Variants in OTOGL observed in about 807,000 individuals in gnomAD.
OTOGL encodes the protein otogelin like.
OTOGL carries 285 observed loss-of-function variants against 318.5 expected under a neutral mutation model. The observed-to-expected ratio is 0.89, with a 90% CI of 0.81 to 0.99. The LOEUF (loss-of-function observed/expected upper bound fraction) is 0.99. Ranked by LOEUF, OTOGL falls within the 50% of genes least tolerant of loss-of-function variation. The pLI is 0.00. For missense variants in OTOGL, 2,899 were observed against 2,845.6 expected (o/e 1.02, Z -0.43); for synonymous variants, 987 against 936.5 (o/e 1.05, Z -0.99).
Position 80,358,908 on chromosome 12 carries a change from C to T in OTOGL, c.6267+8C>T. 1 of 1,475,402 alleles carries T rather than the reference C, an allele frequency of 6.8e-7. No individual in the cohort carries two copies. Among genetic ancestry groups the T allele is most frequent in the Non-Finnish European group, 9.1e-7 (1 of 1,097,490 alleles). 91.4% of individuals were successfully genotyped at this position (1,475,402 alleles called of 1,614,324 possible). A position where few individuals can be genotyped will look rare whatever the true frequency, so the allele number is the denominator to read the frequency against. On this transcript the variant is annotated splice_region_variant and intron_variant, in intron 52 of 58. Coordinates refer to ENST00000547103, the MANE Select transcript of OTOGL (RefSeq NM_001378609.3). ...ATGCCAACTTGTGAAGTGGTAAGAA[C>T]ACATATTTTGATTGACTTGTCATAT...
At chr12:80,243,008 T>C (rs1880514545) in intron 11 of OTOGL, among the ~76,000 whole-genome samples, 2 of 151,650 alleles carry the variant, frequency 1.3e-5, no homozygotes, top group Admixed American at 6.6e-5. Context: ...CCAAAGCCAA[T>C]TGATGTGAAA....
intron 1 of OTOGL, among the ~76,000 whole-genome samples, chr12:80,130,430 G>A (rs10862065): frequency 0.6 from 91,750 of 151,656 alleles, 28,293 homozygotes; most frequent in African/African-American, 0.73. Context: ...AAGAGTTGGA[G>A]GTTGGAATGG....
chr12:80,125,281 A>T (rs1461868703), intron 1 of OTOGL, among the ~76,000 whole-genome samples: 3 of 152,214 alleles, frequency 2.0e-5, no homozygotes, highest in African/African-American at 4.8e-5. Context: ...CCTTTTCTGC[A>T]TCTATTGAGA....
chr12:80,370,393 C>T lies in OTOGL; in HGVS notation c.6616-177C>T, dbSNP rs139689087. Among the ~76,000 whole-genome samples the T allele has an allele frequency of 7.7e-3, 1,098 of 142,032 alleles. 7 individuals are homozygous for T. The highest frequency in any genetic ancestry group is 0.012 in the Non-Finnish European group (794 of 64,032). 93.2% of individuals were successfully genotyped at this position (142,032 alleles called of 152,430 possible). A position where few individuals can be genotyped will look rare whatever the true frequency, so the allele number is the denominator to read the frequency against. The stretch of plus-strand genomic sequence containing the variant: ...ATTTTAGATAAGTATACACTATACA[C>T]GTGTATGTATTTTTAATCATTTTAG... On this transcript the variant is annotated intron_variant, in intron 55 of 58. Coordinates refer to ENST00000547103, the MANE Select transcript of OTOGL (RefSeq NM_001378609.3).
chr12:80,152,699 A>AT (rs1033377628), intron 1 of OTOGL, among the ~76,000 whole-genome samples: 3 of 151,962 alleles, frequency 2.0e-5, no homozygotes, highest in African/African-American at 7.2e-5. Flanking sequence ...TTATTTATTT[A>AT]TTTTTTTGAG....
intron 38 of OTOGL, among the ~76,000 whole-genome samples, chr12:80,335,415 A>G (rs1244041930): frequency 3.3e-5 from 5 of 152,260 alleles, no homozygotes; most frequent in Admixed American, 3.3e-4. Flanking sequence ...ATGGAATGTG[A>G]TTTATAAATT....
intron 20 of OTOGL, 132 bp downstream of exon 20, chr12:80,265,342 A>G: frequency 1.1e-6 from 1 of 945,042 alleles, no homozygotes; most frequent in Non-Finnish European, 1.6e-6. Context: ...CTCATAATGT[A>G]CAAACATGAA....
At chr12:80,360,406 C>G (rs1890166486) in intron 52 of OTOGL, among the ~76,000 whole-genome samples, 1 of 94,562 alleles carries the variant, frequency 1.1e-5, no homozygotes, top group Non-Finnish European at 2.1e-5. Context: ...CTCCCTGTCT[C>G]TCCCCGCTCC....
At chr12:80,217,531 C>A in intron 4 of OTOGL, 67 bp from the exon 5 acceptor site, 1 of 1,105,776 alleles carries the variant, frequency 9.0e-7, no homozygotes, top group South Asian at 1.4e-5. Flanking sequence ...CTAGATTTGC[C>A]AATTTGCATG....
intron 1 of OTOGL, among the ~76,000 whole-genome samples, chr12:80,119,833 T>C (rs2137096339): frequency 6.6e-6 from 1 of 152,324 alleles, no homozygotes; most frequent in Admixed American, 6.5e-5. Flanking sequence ...CCAGATTATG[T>C]TCACTCTACT....
At chr12:80,119,906 A>G (rs1870387323) in intron 1 of OTOGL, among the ~76,000 whole-genome samples, 1 of 152,114 alleles carries the variant, frequency 6.6e-6, no homozygotes, top group African/African-American at 2.4e-5. Flanking sequence ...ACTTTCTTAG[A>G]TTCATGATTT....
intron 43 of OTOGL, among the ~76,000 whole-genome samples, chr12:80,341,063 T>A (rs374298228): frequency 6.6e-6 from 1 of 151,838 alleles, no homozygotes; most frequent in East Asian, 1.9e-4. Flanking sequence ...TTGAAGAAAA[T>A]TTTTATTCAT....
intron 43 of OTOGL, 34 bp downstream of exon 43, chr12:80,339,298 G>GT (rs10715159): frequency 0.04 from 21,066 of 528,800 alleles, 250 homozygotes; most frequent in East Asian, 0.058. Flanking sequence ...GATTTCGTCT[G>GT]TTTTTTTTTT....
chr12:80,371,159 T>G (rs1485880150), intron 56 of OTOGL, among the ~76,000 whole-genome samples: 1 of 152,144 alleles, frequency 6.6e-6, no homozygotes, highest in Non-Finnish European at 1.5e-5. Flanking sequence ...ATTCTTATGT[T>G]TTGCTCTATC....
At chr12:80,265,278 G>A (rs1882866614) in intron 20 of OTOGL, 68 bp downstream of exon 20, 1 of 1,405,192 alleles carries the variant, frequency 7.1e-7, no homozygotes, top group Admixed American at 2.1e-5. Flanking sequence ...TGTAATGACT[G>A]CTTTTATTTT....
intron 1 of OTOGL, among the ~76,000 whole-genome samples, chr12:80,162,574 G>T (rs1040280207): frequency 6.6e-6 from 1 of 151,992 alleles, no homozygotes; most frequent in Non-Finnish European, 1.5e-5. Context: ...TGAGGGCTGT[G>T]GGGGTAGGAT....
Position 80,329,212 on chromosome 12 carries a change from A to G in OTOGL, c.4348+93A>G, listed in dbSNP as rs146147010. On this transcript the variant is annotated intron_variant, in intron 37 of 58. Transcript: ENST00000547103. ...TTTAGGTGTTACTATAGCTGCTATCATTAATACTACCTATGGGCTAGGAAA... is the reference window on the plus strand; with the variant it reads ...TTTAGGTGTTACTATAGCTGCTATCGTTAATACTACCTATGGGCTAGGAAA... 1.5e-4 allele frequency: 146 copies of G among 969,766 alleles called. 2 individuals carry two copies. In the African/African-American group the frequency reaches 1.8e-3, roughly 12 times the overall value. 60.1% of individuals were successfully genotyped at this position (969,766 alleles called of 1,614,324 possible).
chr12:80,233,577 G>T (rs1372908306), intron 9 of OTOGL, among the ~76,000 whole-genome samples: 1 of 152,126 alleles, frequency 6.6e-6, no homozygotes, highest in African/African-American at 2.4e-5. Context: ...ACTGTGAGCA[G>T]GAAAGTTGAA....
chr12:80,117,835 A>G lies in OTOGL; in HGVS notation c.-20+18230A>G, dbSNP rs146959576. 4.1e-3 allele frequency among the ~76,000 whole-genome samples: 619 copies of G among 152,130 alleles called. 4 individuals are homozygous for G. The highest frequency in any genetic ancestry group is 0.014 in the African/African-American group (596 of 41,498). On this transcript the variant is annotated intron_variant, in intron 1 of 58. Transcript: ENST00000547103. ...TTTCTTAACTTTATTTCTTGTTCAT[A>G]TTTTCCTGCAATCTTAAAATGCCCT... is the stretch of plus-strand genomic sequence containing the variant.
Sources: allele counts gnomAD v4.1 joint callset (sites outside exome capture counted in the v4.1 genomes callset), GRCh38; gene constraint gnomAD v4.1.1; transcripts MANE v1.5; gene names NCBI Gene and HGNC (gene_info 2026-07-23, HGNC 2026-07-21).